Variants in ATRNL1 observed in about 807,000 individuals in gnomAD.
The protein encoded by ATRNL1 is attractin-like protein 1.
A neutral mutation model predicts 182.7 loss-of-function variants in ATRNL1; 95 were observed. The observed-to-expected ratio is 0.52, with a 90% confidence interval of 0.44 to 0.62. The LOEUF is 0.62. ATRNL1 is among the 20% of genes least tolerant of loss of function. ATRNL1 has a pLI of 0.00. For synonymous variants in ATRNL1, 576 were observed against 568.3 expected (o/e 1.01, Z -0.19); for missense variants, 1,471 against 1,679.5 (o/e 0.88, Z 2.17).
chr10:115,713,988 AAAGC>A (rs1418656998), intron 26 of ATRNL1, among the ~76,000 whole-genome samples: 2 of 152,222 alleles, frequency 1.3e-5, no homozygotes, highest in Non-Finnish European at 1.5e-5. Context: ...AATAATTTCC[AAAGC>A]CTTTTTTTCC....
At chr10:115,511,059 A>G (rs1299709060) in intron 24 of ATRNL1, among the ~76,000 whole-genome samples, 4 of 152,016 alleles carry the variant, frequency 2.6e-5, no homozygotes, top group Non-Finnish European at 5.9e-5. Flanking sequence ...ATAATATGCT[A>G]TAATACTTAT....
At chr10:115,889,144 C>G (rs1952019489) in intron 28 of ATRNL1, among the ~76,000 whole-genome samples, 1 of 152,138 alleles carries the variant, frequency 6.6e-6, no homozygotes. Flanking sequence ...CAATGAATGG[C>G]TGAGGATTTC....
At chr10:115,662,120 A>G (rs1860730591) in intron 26 of ATRNL1, among the ~76,000 whole-genome samples, 2 of 151,700 alleles carry the variant, frequency 1.3e-5, no homozygotes, top group Admixed American at 1.3e-4. Flanking sequence ...ATCATTTTTT[A>G]TGGCTGCATA....
At position 115,944,709 on chromosome 10, in the gene ATRNL1, A is replaced by G. The variant is rs1555125060; in HGVS notation, c.4070A>G (p.Asp1357Gly). The stretch of plus-strand genomic sequence containing the variant: ...GATATTTCACAACAGAAAGCTTCAG[A>G]TAGTAAAGATAAGACTTCTGGAGTC... Reference protein sequence around the residue: ...LIDISQQKASDSKDKTSGVRN... With the variant: ...LIDISQQKASGSKDKTSGVRN... The change falls in exon 29 of 29, where the codon GAT (aspartate) becomes GGT (glycine). Residue 1357 changes from aspartate (D) to glycine (G), a missense_variant. Coordinates refer to ENST00000355044, the MANE Select transcript of ATRNL1 (RefSeq NM_207303.4). The G allele has an allele frequency of 1.2e-6, 2 of 1,613,696 alleles. No homozygotes were observed. The highest frequency in any genetic ancestry group is 2.2e-5 in the East Asian group (1 of 44,874).
intron 8 of ATRNL1, among the ~76,000 whole-genome samples, chr10:115,206,904 G>GT (rs1848820161): frequency 6.6e-6 from 1 of 152,068 alleles, no homozygotes; most frequent in Non-Finnish European, 1.5e-5. Flanking sequence ...TGTTCTCATT[G>GT]TTTAACTCCC....
At chr10:115,789,792 C>T (rs1053667002) in intron 27 of ATRNL1, among the ~76,000 whole-genome samples, 3 of 152,036 alleles carry the variant, frequency 2.0e-5, no homozygotes, top group East Asian at 1.9e-4. Flanking sequence ...AATTTTGCCT[C>T]GAAGTAAAAG....
intron 8 of ATRNL1, among the ~76,000 whole-genome samples, chr10:115,195,291 T>G (rs1554890760): frequency 6.6e-6 from 1 of 152,140 alleles, no homozygotes; most frequent in Non-Finnish European, 1.5e-5. Context: ...AAGACAGACA[T>G]GTTGTTGATG....
intron 25 of ATRNL1, among the ~76,000 whole-genome samples, chr10:115,529,620 A>G (rs7086255): frequency 0.027 from 4,130 of 152,048 alleles, 217 homozygotes; most frequent in African/African-American, 0.095. Flanking sequence ...TATTTCCCTA[A>G]CCAACAATAA....
At position 115,407,985 on chromosome 10, in the gene ATRNL1, C is replaced by CTTTTT. The variant is rs71010022; in HGVS notation, c.3269+13258_3269+13262dup. On this transcript the variant is annotated intron_variant, in intron 20 of 28. Coordinates refer to ENST00000355044, the MANE Select transcript of ATRNL1 (RefSeq NM_207303.4). ...CTCTTTGTGGTTTTGATTTGCATTTCTTTTTTTTTTTTTTTTTTTTTTTTT... is the reference window on the plus strand; with the variant it reads ...CTCTTTGTGGTTTTGATTTGCATTTCTTTTTTTTTTTTTTTTTTTTTTTTTTTTTT... Among the ~76,000 whole-genome samples, 890 of 97,794 alleles carry CTTTTT rather than the reference C, an allele frequency of 9.1e-3. 9 individuals carry two copies. Among genetic ancestry groups the CTTTTT allele is most frequent in the Non-Finnish European group, 0.012 (635 of 51,072 alleles). 64.2% of individuals were successfully genotyped at this position (97,794 alleles called of 152,430 possible).
chr10:115,314,198 A>C (rs1348193005), intron 17 of ATRNL1, among the ~76,000 whole-genome samples: 3 of 152,116 alleles, frequency 2.0e-5, no homozygotes, highest in Non-Finnish European at 4.4e-5. Flanking sequence ...TTTATTTCTT[A>C]TTAAGAAAAT....
chr10:115,210,657 CT>C (rs1365034909), intron 8 of ATRNL1, among the ~76,000 whole-genome samples: 1 of 151,606 alleles, frequency 6.6e-6, no homozygotes, highest in Non-Finnish European at 1.5e-5. Flanking sequence ...GCCTCTTTTT[CT>C]CTTTACTTGC....
At chr10:115,519,359 A>C (rs1850802115) in intron 25 of ATRNL1, 35 bp downstream of exon 25, 1 of 1,551,072 alleles carries the variant, frequency 6.4e-7, no homozygotes, top group Non-Finnish European at 8.9e-7. Context: ...TGAACTTTTC[A>C]AGCCTGTATT....
intron 28 of ATRNL1, among the ~76,000 whole-genome samples, chr10:115,876,361 C>A (rs967419394): frequency 1.3e-5 from 2 of 152,144 alleles, no homozygotes; most frequent in Non-Finnish European, 2.9e-5. Flanking sequence ...ACCTGACAGA[C>A]AATATATGCT....
intron 26 of ATRNL1, among the ~76,000 whole-genome samples, chr10:115,578,948 G>T (rs1413511945): frequency 5.3e-5 from 8 of 151,462 alleles, no homozygotes; most frequent in Non-Finnish European, 1.2e-4. Context: ...GATAGTTTTT[G>T]ATTTTTTTCT....
At chr10:115,388,788 T>C (rs1336321491) in intron 19 of ATRNL1, among the ~76,000 whole-genome samples, 1 of 152,044 alleles carries the variant, frequency 6.6e-6, no homozygotes, top group Non-Finnish European at 1.5e-5. Flanking sequence ...CTCACCTTTG[T>C]TTTTATTTAT....
intron 26 of ATRNL1, among the ~76,000 whole-genome samples, chr10:115,644,260 G>A (rs1197816899): frequency 1.3e-5 from 2 of 152,126 alleles, no homozygotes; most frequent in African/African-American, 4.8e-5. Context: ...ATCACATTGA[G>A]CTTGTTTTGT....
intron 25 of ATRNL1, among the ~76,000 whole-genome samples, chr10:115,523,551 G>A (rs1298524588): frequency 6.6e-6 from 1 of 152,164 alleles, no homozygotes; most frequent in African/African-American, 2.4e-5. Flanking sequence ...TCCTGCATGT[G>A]AACATAAGCT....
At chr10:115,712,265 T>C (rs1947084607) in intron 26 of ATRNL1, among the ~76,000 whole-genome samples, 1 of 152,188 alleles carries the variant, frequency 6.6e-6, no homozygotes. Flanking sequence ...GGCCACACAG[T>C]GACCAAATTT....
chr10:115,897,576 G>A (rs1952239556), intron 28 of ATRNL1, among the ~76,000 whole-genome samples: 1 of 152,172 alleles, frequency 6.6e-6, no homozygotes, highest in South Asian at 2.1e-4. Flanking sequence ...TCAGGTGGAA[G>A]ACAATAGGGA....
Sources: allele counts gnomAD v4.1 joint callset (sites outside exome capture counted in the v4.1 genomes callset), GRCh38; gene constraint gnomAD v4.1.1; transcripts MANE v1.5; gene names NCBI Gene and HGNC (gene_info 2026-07-23, HGNC 2026-07-21).